The following TANGO6 variants were observed in gnomAD, a reference collection of about 807,000 sequenced individuals.
TANGO6 encodes the protein transport and Golgi organization protein 6 homolog.
In TANGO6, 90 loss-of-function variants were observed where a neutral mutation model predicts 114.2. The observed-to-expected ratio is 0.79, with a 90% CI of 0.66 to 0.94. The LOEUF is 0.94. Ranked by LOEUF, TANGO6 falls within the 40% of genes least tolerant of loss-of-function variation. The pLI is 0.00. For missense variants in TANGO6, 1,274 were observed against 1,315.3 expected (o/e 0.97, Z 0.49); for synonymous variants, 477 against 509.8 (o/e 0.94, Z 0.87).
At position 68,994,367 on chromosome 16, in the gene TANGO6, T is replaced by C. The variant is rs80304606; in HGVS notation, c.2842+20199T>C. ...CTTTTTTCAGTGCCCCTCACTTACC[T>C]CTTTTTTTCTTCCCCTCTCCCATTT... On this transcript the variant is annotated intron_variant, in intron 15 of 17. Transcript: ENST00000261778. Among the ~76,000 whole-genome samples the C allele has an allele frequency of 4.7e-3, 717 of 152,254 alleles. 5 individuals are homozygous for C. Among genetic ancestry groups the C allele is most frequent in the African/African-American group, 0.016 (684 of 41,532 alleles).
rs530550070 is a variant in TANGO6, at chr16:68,941,767, A to G, written c.2701+11472A>G. Among the ~76,000 whole-genome samples the G allele has an allele frequency of 2.0e-5, 3 of 152,054 alleles. No individual in the cohort carries two copies. The South Asian group carries it at 6.2e-4, about 32-fold the overall frequency. On this transcript the variant is annotated intron_variant, in intron 14 of 17. Transcript: ENST00000261778. ...TCTGAGGGAAAAAAAAAGACAACTT[A>G]GGTTTGATTTTGGGGAAGTTTCTCA...
intron 14 of TANGO6, among the ~76,000 whole-genome samples, chr16:68,964,944 A>G (rs1419030623): frequency 6.6e-6 from 1 of 152,004 alleles, no homozygotes; most frequent in Non-Finnish European, 1.5e-5. Context: ...CTGTTGATGC[A>G]AATTTGTTTC....
chr16:68,930,885 C>T (rs766412475), intron 14 of TANGO6, among the ~76,000 whole-genome samples: 12 of 152,206 alleles, frequency 7.9e-5, no homozygotes, highest in Non-Finnish European at 1.6e-4. Flanking sequence ...GATCCACCCA[C>T]CTTGGCCTTC....
intron 15 of TANGO6, among the ~76,000 whole-genome samples, chr16:69,002,558 A>C (rs1465768501): frequency 6.6e-6 from 1 of 152,182 alleles, no homozygotes. Flanking sequence ...GCCTGCTGTC[A>C]TGTAAGACAT....
intron 17 of TANGO6, among the ~76,000 whole-genome samples, chr16:69,064,221 C>T (rs1960181256): frequency 6.6e-6 from 1 of 152,124 alleles, no homozygotes; most frequent in Admixed American, 6.6e-5. Context: ...ATAATACAAA[C>T]CCTTACCAGA....
At chr16:69,034,266 C>A in intron 16 of TANGO6, 1 of 153,690 alleles carries the variant, frequency 6.5e-6, no homozygotes, top group South Asian at 2.0e-4. Context: ...GGCATCATCT[C>A]GACTCCTGTG....
intron 15 of TANGO6, among the ~76,000 whole-genome samples, chr16:69,013,525 A>T (rs534712480): frequency 1.3e-5 from 2 of 151,888 alleles, no homozygotes; most frequent in South Asian, 4.2e-4. Context: ...GCTAAGGTAA[A>T]AGAATCACTT....
chr16:68,894,333 TG>T (rs1307204844), intron 7 of TANGO6, among the ~76,000 whole-genome samples: 4 of 152,164 alleles, frequency 2.6e-5, no homozygotes, highest in African/African-American at 4.8e-5. Context: ...AGGTGCAGAC[TG>T]AACTTTAACC....
At chr16:69,015,049 T>C (rs1481707606) in intron 15 of TANGO6, among the ~76,000 whole-genome samples, 1 of 152,188 alleles carries the variant, frequency 6.6e-6, no homozygotes, top group Non-Finnish European at 1.5e-5. Context: ...AACTCCCACC[T>C]GGAGACTAGG....
intron 15 of TANGO6, among the ~76,000 whole-genome samples, chr16:68,985,486 G>A (rs1963880688): frequency 6.6e-6 from 1 of 152,120 alleles, no homozygotes; most frequent in Non-Finnish European, 1.5e-5. Context: ...GAGGCAGGCA[G>A]GTCACTTGAG....
At chr16:68,959,317 G>C (rs1032597042) in intron 14 of TANGO6, among the ~76,000 whole-genome samples, 2 of 152,076 alleles carry the variant, frequency 1.3e-5, no homozygotes, top group Admixed American at 6.6e-5. Flanking sequence ...GGCCGAGTGC[G>C]GTGGCTCACG....
intron 15 of TANGO6, among the ~76,000 whole-genome samples, chr16:69,004,512 C>T (rs936301520): frequency 3.3e-5 from 5 of 152,148 alleles, no homozygotes; most frequent in Admixed American, 6.5e-5. Flanking sequence ...CTTGCCACCA[C>T]GCCCGGCTAA....
At chr16:69,005,214 A>G (rs1457793198) in intron 15 of TANGO6, among the ~76,000 whole-genome samples, 2 of 152,254 alleles carry the variant, frequency 1.3e-5, no homozygotes, top group Non-Finnish European at 2.9e-5. Flanking sequence ...CAATTGCTCA[A>G]CTATCCAAAG....
Position 68,863,027 on chromosome 16 carries a change from G to T in TANGO6, c.818G>T (p.Arg273Leu). Residue 273 changes from arginine (R) to leucine (L), a missense_variant, in exon 3 of 18, where the codon CGG (arginine) becomes CTG (leucine). Arg to Leu is a moderately radical substitution (Grantham distance 102). Coordinates refer to ENST00000261778, the MANE Select transcript of TANGO6 (RefSeq NM_024562.2). Reference sequence around the variant, plus strand: ...CAAGTCTATCAGCCCTTAGCAGTCCGGGAACTGCTTATCCTCCAGGGAGGA... The same window carrying T: ...CAAGTCTATCAGCCCTTAGCAGTCCTGGAACTGCTTATCCTCCAGGGAGGA... ...LDQVYQPLAVRELLILQGGPP... is the reference protein window; with the variant it reads ...LDQVYQPLAVLELLILQGGPP... 1 of 1,591,682 alleles carries T rather than the reference G, an allele frequency of 6.3e-7. No individual in the cohort carries two copies. Among genetic ancestry groups the T allele is most frequent in the Non-Finnish European group, 8.6e-7 (1 of 1,169,198 alleles).
rs558279651 is a variant in TANGO6, at chr16:69,054,880, G to A, written c.3108+14459G>A. On this transcript the variant is annotated intron_variant, in intron 17 of 17. Coordinates refer to ENST00000261778, the MANE Select transcript of TANGO6 (RefSeq NM_024562.2). The stretch of plus-strand genomic sequence containing the variant: ...GGCGTGAACCCGGGAGGCGGAGCTT[G>A]CAGTGAGCCGAGATCAAGCCACTGC... Among the ~76,000 whole-genome samples the A allele has an allele frequency of 9.7e-4, 138 of 142,908 alleles. 1 individual carries two copies. The highest frequency in any genetic ancestry group is 3.2e-3 in the African/African-American group (123 of 38,542). 93.8% of individuals were successfully genotyped at this position (142,908 alleles called of 152,430 possible). A position where few individuals can be genotyped will look rare whatever the true frequency, so the allele number is the denominator to read the frequency against.
intron 17 of TANGO6, among the ~76,000 whole-genome samples, chr16:69,062,138 C>G (rs1567568567): frequency 6.6e-6 from 1 of 152,154 alleles, no homozygotes; most frequent in Non-Finnish European, 1.5e-5. Context: ...GGAAAAGATG[C>G]AATTTTAATT....
chr16:68,892,818 G>C (rs767595548), intron 7 of TANGO6, among the ~76,000 whole-genome samples: 1 of 151,976 alleles, frequency 6.6e-6, no homozygotes, highest in Non-Finnish European at 1.5e-5. Flanking sequence ...CCCGGGCCAG[G>C]TTCAGCCTTT....
chr16:69,051,660 T>C (rs1271584096), intron 17 of TANGO6, among the ~76,000 whole-genome samples: 1 of 151,534 alleles, frequency 6.6e-6, no homozygotes, highest in African/African-American at 2.4e-5. Context: ...TCCAGCCTAG[T>C]GGACAAGAGT....
chr16:68,926,630 C>T (rs555779579), intron 12 of TANGO6, among the ~76,000 whole-genome samples: 5 of 151,728 alleles, frequency 3.3e-5, no homozygotes, highest in Non-Finnish European at 5.9e-5. Context: ...CGGGTTTAAG[C>T]GATTCTCCTG....
Sources: allele counts gnomAD v4.1 joint callset (sites outside exome capture counted in the v4.1 genomes callset), GRCh38; gene constraint gnomAD v4.1.1; transcripts MANE v1.5; gene names NCBI Gene and HGNC (gene_info 2026-07-23, HGNC 2026-07-21).